Variants in SLC35F2 observed in about 807,000 individuals in gnomAD.
SLC35F2 encodes the protein queuine/queuosine transporter SLC35F2.
A neutral mutation model predicts 38.1 loss-of-function variants in SLC35F2; 25 were observed. The observed-to-expected ratio is 0.66, with a 90% CI of 0.48 to 0.92. The LOEUF is 0.92. Ranked by LOEUF, SLC35F2 falls within the 40% of genes least tolerant of loss-of-function variation. SLC35F2 has a pLI of 0.00. For missense variants in SLC35F2, 409 were observed against 452.9 expected, an observed-to-expected ratio of 0.90 and a Z score of 0.88; for synonymous variants, 173 against 181.7, an observed-to-expected ratio of 0.95 and a Z score of 0.38.
chr11:107,836,014 A>T lies in SLC35F2; in HGVS notation c.111-20049T>A, dbSNP rs141897010. The stretch of plus-strand genomic sequence containing the variant: ...GCTATAGGAATTGTCATCCCAGCAA[A>T]GCGGACAGCATTGTAAATTCTCCAG... On this transcript the variant is annotated intron_variant, in intron 1 of 7. Transcript: ENST00000525815. 2.0e-3 allele frequency among the ~76,000 whole-genome samples: 303 copies of T among 152,324 alleles called. 1 individual carries two copies. Among genetic ancestry groups the T allele is most frequent in the African/African-American group, 6.3e-3 (260 of 41,590 alleles).
chr11:107,806,563 C>T, intron 4 of SLC35F2, 154 bp downstream of exon 4: 1 of 680,968 alleles, frequency 1.5e-6, no homozygotes, highest in African/African-American at 1.8e-5. Flanking sequence ...TTTATACTAT[C>T]AACTGAATTC....
chr11:107,838,059 T>C (rs1859958232), intron 1 of SLC35F2, among the ~76,000 whole-genome samples: 1 of 152,112 alleles, frequency 6.6e-6, no homozygotes, highest in African/African-American at 2.4e-5. Context: ...CCATTATTAC[T>C]GCTATTTACA....
At chr11:107,832,721 A>G (rs1859865303) in intron 1 of SLC35F2, among the ~76,000 whole-genome samples, 1 of 152,124 alleles carries the variant, frequency 6.6e-6, no homozygotes, top group South Asian at 2.1e-4. Flanking sequence ...TGAAAGGATC[A>G]CCTGACCCCA....
At chr11:107,845,771 G>A (rs1336049588) in intron 1 of SLC35F2, among the ~76,000 whole-genome samples, 1 of 151,802 alleles carries the variant, frequency 6.6e-6, no homozygotes, top group African/African-American at 2.4e-5. Context: ...TGGCCAACAT[G>A]GTAAAACCCC....
intron 1 of SLC35F2, among the ~76,000 whole-genome samples, chr11:107,839,870 CT>C (rs769761028): frequency 1.3e-5 from 2 of 152,188 alleles, no homozygotes; most frequent in Non-Finnish European, 2.9e-5. Context: ...TCAGGCTGGT[CT>C]CAAACTCCCC....
chr11:107,798,841 A>G (rs150236495), intron 7 of SLC35F2, among the ~76,000 whole-genome samples: 2,761 of 152,260 alleles, frequency 0.018, 66 homozygotes, highest in East Asian at 0.1. Context: ...TTTGGGAGGC[A>G]GAGGCAAGCG....
chr11:107,801,754 T>C (rs1859314072), intron 7 of SLC35F2, among the ~76,000 whole-genome samples: 1 of 152,168 alleles, frequency 6.6e-6, no homozygotes, highest in Non-Finnish European at 1.5e-5. Flanking sequence ...TTTAACATGA[T>C]GCAATCATAA....
At chr11:107,850,814 CAA>C (rs528066229) in intron 1 of SLC35F2, among the ~76,000 whole-genome samples, 44 of 121,228 alleles carry the variant, frequency 3.6e-4, no homozygotes, top group Non-Finnish European at 3.6e-4. Context: ...ACTCCGTCTC[CAA>C]AAAAAAAAAA....
Position 107,853,580 on chromosome 11 carries a change from C to T in SLC35F2, c.110+5078G>A, listed in dbSNP as rs535932143. On this transcript the variant is annotated intron_variant, in intron 1 of 7. Coordinates refer to ENST00000525815, the MANE Select transcript of SLC35F2 (RefSeq NM_017515.5). ...AAAAATACAAAAAAAATTAGCCGGG[C>T]GTGGTGGTGGGCGCCTGTAGTCCCA... Among the ~76,000 whole-genome samples the T allele has an allele frequency of 7.8e-3, 1,181 of 151,778 alleles. 13 individuals carry two copies. The highest frequency in any genetic ancestry group is 0.027 in the African/African-American group (1,127 of 41,404).
Position 107,792,730 on chromosome 11 carries a change from G to A in SLC35F2, c.1010C>T (p.Thr337Ile), listed in dbSNP as rs1859153000. ...VGFILYCSTP[T>I]RTAEPAESSV... ...GCTTTCAGCCGGCTCGGCCGTGCGA[G>A]TAGGGGTGGAGCAGTACAGGATAAA... Residue 337 changes from threonine to isoleucine, a missense_variant, in exon 8 of 8, where the codon ACT becomes ATT. Coordinates refer to ENST00000525815, the MANE Select transcript of SLC35F2 (RefSeq NM_017515.5). 2.5e-6 allele frequency: 4 copies of A among 1,613,862 alleles called. No individual in the cohort carries two copies. Among genetic ancestry groups the A allele is most frequent in the African/African-American group, 1.3e-5 (1 of 74,926 alleles).
At chr11:107,832,869 C>T (rs576499166) in intron 1 of SLC35F2, among the ~76,000 whole-genome samples, 1 of 152,260 alleles carries the variant, frequency 6.6e-6, no homozygotes, top group African/African-American at 2.4e-5. Context: ...GAAAATATAA[C>T]ATTGGAAGGC....
intron 1 of SLC35F2, among the ~76,000 whole-genome samples, chr11:107,852,528 G>A (rs1326496574): frequency 1.4e-5 from 2 of 144,512 alleles, no homozygotes; most frequent in East Asian, 2.0e-4. Context: ...TCCAGCTGGA[G>A]CAACAGTGCG....
At chr11:107,856,519 AC>A (rs1341684693) in intron 1 of SLC35F2, among the ~76,000 whole-genome samples, 1 of 152,090 alleles carries the variant, frequency 6.6e-6, no homozygotes, top group Non-Finnish European at 1.5e-5. Flanking sequence ...ACATGGGGAA[AC>A]CCCATCTCTA....
intron 7 of SLC35F2, among the ~76,000 whole-genome samples, chr11:107,799,451 G>GCCAGATGAAATGCAGCCA (rs1859269951): frequency 2.0e-5 from 3 of 152,178 alleles, no homozygotes; most frequent in Non-Finnish European, 4.4e-5. Context: ...CCTAGTGGTG[G>GCCAGATGAAATGCAGCCA]CCAGATGAAA....
chr11:107,812,898 A>C (rs184211120), intron 2 of SLC35F2, among the ~76,000 whole-genome samples: 2 of 152,290 alleles, frequency 1.3e-5, no homozygotes, highest in East Asian at 3.9e-4. Flanking sequence ...TGTGCTTTCA[A>C]GTGAAAATTA....
intron 7 of SLC35F2, among the ~76,000 whole-genome samples, chr11:107,793,449 A>C (rs1195973977): frequency 9.2e-5 from 14 of 152,206 alleles, no homozygotes; most frequent in Non-Finnish European, 8.8e-5. Flanking sequence ...TGGATACCAC[A>C]GAGAGCCCCA....
intron 1 of SLC35F2, among the ~76,000 whole-genome samples, chr11:107,829,494 G>GT (rs1817042669): frequency 6.6e-6 from 1 of 151,866 alleles, no homozygotes; most frequent in Non-Finnish European, 1.5e-5. Flanking sequence ...CTATGACACA[G>GT]TATGAGGCCC....
chr11:107,839,116 A>G (rs1165787929), intron 1 of SLC35F2, among the ~76,000 whole-genome samples: 2 of 152,222 alleles, frequency 1.3e-5, no homozygotes, highest in African/African-American at 4.8e-5. Flanking sequence ...AATATACCAT[A>G]TGTAATACTG....
intron 1 of SLC35F2, 22 bp from the exon 2 acceptor site, chr11:107,815,987 C>G (rs1320480997): frequency 6.3e-7 from 1 of 1,592,688 alleles, no homozygotes; most frequent in African/African-American, 1.4e-5. Flanking sequence ...GGGAAGAAAT[C>G]AGAACAGCAT....
Sources: allele counts gnomAD v4.1 joint callset (sites outside exome capture counted in the v4.1 genomes callset), GRCh38; gene constraint gnomAD v4.1.1; transcripts MANE v1.5; gene names NCBI Gene and HGNC (gene_info 2026-07-23, HGNC 2026-07-21).